The following PIK3R3 variants were observed in gnomAD, a reference collection of about 807,000 sequenced individuals.
PIK3R3 encodes the protein phosphatidylinositol 3-kinase regulatory subunit gamma.
Under a neutral mutation model 62.9 loss-of-function variants are expected in PIK3R3, and 64 were observed. The observed-to-expected ratio is 1.02, with a 90% CI of 0.83 to 1.25. PIK3R3 has a LOEUF of 1.25. Among genes scored for constraint, PIK3R3 ranks in the 50% most tolerant of loss-of-function variants. The pLI is 0.00. For missense variants in PIK3R3, 614 were observed against 561.6 expected (o/e 1.09, Z -0.94); for synonymous variants, 165 against 189.0 (o/e 0.87, Z 1.04).
intron 1 of PIK3R3, among the ~76,000 whole-genome samples, chr1:46,108,212 T>C (rs2149450471): frequency 6.6e-6 from 1 of 152,336 alleles, no homozygotes; most frequent in East Asian, 1.9e-4. Flanking sequence ...TAAACATAAA[T>C]GTTAATAGCA....
At chr1:46,146,686 T>TACACAC in the PIK3R3 span, among the ~76,000 whole-genome samples, 536 of 92,784 alleles carry the variant, frequency 5.8e-3, 11 homozygotes, top group East Asian at 6.9e-3. Context: ...CCTCCAACTC[T>TACACAC]ACACACACAC....
chr1:46,077,743 G>C (rs189557179), intron 2 of PIK3R3, 130 bp from the exon 3 acceptor site: 1 of 611,586 alleles, frequency 1.6e-6, no homozygotes, highest in African/African-American at 1.8e-5. Flanking sequence ...ATAGAATAAC[G>C]GAGCCATTTA....
At chr1:46,146,466 TACTC>T in the PIK3R3 span, among the ~76,000 whole-genome samples, 1 of 152,154 alleles carries the variant, frequency 6.6e-6, no homozygotes, top group African/African-American at 2.4e-5. Flanking sequence ...TCTGGCAACA[TACTC>T]AATATCATAT....
intron 1 of PIK3R3, among the ~76,000 whole-genome samples, chr1:46,117,688 A>T (rs1458851924): frequency 3.9e-5 from 6 of 152,198 alleles, no homozygotes; most frequent in African/African-American, 1.4e-4. Context: ...TTAAGGCTGT[A>T]GTGAACCAAG....
At chr1:46,081,125 G>A (rs905917328) in intron 1 of PIK3R3, among the ~76,000 whole-genome samples, 2 of 152,038 alleles carry the variant, frequency 1.3e-5, no homozygotes, top group African/African-American at 2.4e-5. Context: ...TCTGCCAAGT[G>A]AGTAAATTTT....
At chr1:46,173,135 G>A in the PIK3R3 span, among the ~76,000 whole-genome samples, 3 of 152,220 alleles carry the variant, frequency 2.0e-5, no homozygotes, top group Admixed American at 2.0e-4. Context: ...CTGCTCTGTG[G>A]AATTCTGGAG....
chr1:46,077,502 GA>G lies in PIK3R3; in HGVS notation c.314+12del. On this transcript the variant is annotated intron_variant, in intron 3 of 9. Coordinates refer to ENST00000262741, the MANE Select transcript of PIK3R3 (RefSeq NM_003629.4). The stretch of plus-strand genomic sequence containing the variant: ...TCAGTAGAGAACTAGCCAAAAGACT[GA>G]AAAGTACTTACCGCAAAGTCAAAGT... 6.7e-7 allele frequency: 1 copy of G among 1,502,788 alleles called. No homozygotes were observed. Among genetic ancestry groups the G allele is most frequent in the Non-Finnish European group, 9.3e-7 (1 of 1,078,874 alleles). 93.1% of individuals were successfully genotyped at this position (1,502,788 alleles called of 1,614,324 possible).
At chr1:46,112,557 A>G (rs180742084) in intron 1 of PIK3R3, among the ~76,000 whole-genome samples, 33 of 152,328 alleles carry the variant, frequency 2.2e-4, no homozygotes, top group African/African-American at 7.5e-4. Flanking sequence ...ATGAATCTTA[A>G]GAGTTAATTT....
At chr1:46,111,587 G>T (rs751889793) in intron 1 of PIK3R3, among the ~76,000 whole-genome samples, 3 of 152,076 alleles carry the variant, frequency 2.0e-5, no homozygotes, top group East Asian at 3.9e-4. Flanking sequence ...TTAGCCGCGT[G>T]TAGCTGTGTG....
In PIK3R3 at chr1:46,046,598, C is replaced by G. The variant is rs757031838; in HGVS notation, c.969G>C (p.Gln323His). ...TTCCCAGCCAGACATTCAGGCGTTT[C>G]TGTCTCACTCCTTTGTGATTGAGCC... The part of the protein sequence containing the change: ...LVWLNHKGVR[Q>H]KRLNVWLGIK... The change falls in exon 8 of 10, where the codon CAG (glutamine) becomes CAC (histidine). Residue 323 changes from glutamine (Q) to histidine (H), a missense_variant. Gln to His is a conservative substitution (Grantham distance 24). Transcript: ENST00000262741. 7 of 1,613,718 alleles carry G rather than the reference C, an allele frequency of 4.3e-6. No individual in the cohort carries two copies. The highest frequency in any genetic ancestry group is 5.9e-6 in the Non-Finnish European group (7 of 1,179,596).
the PIK3R3 span, among the ~76,000 whole-genome samples, chr1:46,148,173 G>A: frequency 9.2e-5 from 14 of 152,290 alleles, no homozygotes; most frequent in African/African-American, 2.9e-4. Flanking sequence ...CAAATTTACT[G>A]AAGCTGTAAA....
At chr1:46,107,145 C>T (rs111970066) in intron 1 of PIK3R3, among the ~76,000 whole-genome samples, 31,065 of 152,032 alleles carry the variant, frequency 0.2, 3,645 homozygotes, top group Non-Finnish European at 0.26. Context: ...CACTTGAGGT[C>T]AGGAATTCCA....
chr1:46,171,319 C>T, the PIK3R3 span, among the ~76,000 whole-genome samples: 8 of 152,192 alleles, frequency 5.3e-5, no homozygotes, highest in African/African-American at 1.9e-4. Flanking sequence ...AGTCCTTCCA[C>T]CCAGCTTCCT....
chr1:46,095,521 A>G (rs991172987), intron 1 of PIK3R3, among the ~76,000 whole-genome samples: 9 of 152,124 alleles, frequency 5.9e-5, no homozygotes, highest in Non-Finnish European at 8.8e-5. Context: ...TGGTAGGGGG[A>G]GAGAGAGCAT....
intron 7 of PIK3R3, among the ~76,000 whole-genome samples, chr1:46,054,892 A>C (rs1647725924): frequency 6.6e-6 from 1 of 152,132 alleles, no homozygotes; most frequent in Admixed American, 6.6e-5. Context: ...TGTTATTTAA[A>C]TAAAGAATGT....
the PIK3R3 span, among the ~76,000 whole-genome samples, chr1:46,165,945 T>A: frequency 1.3e-5 from 2 of 151,436 alleles, no homozygotes; most frequent in African/African-American, 4.9e-5. Context: ...TAATTTTTTG[T>A]ATTTTTTTTA....
chr1:46,143,208 G>A, the PIK3R3 span, among the ~76,000 whole-genome samples: 1 of 152,162 alleles, frequency 6.6e-6, no homozygotes, highest in African/African-American at 2.4e-5. Context: ...ACCTCACTGG[G>A]TAGATCAGCT....
At chr1:46,093,770 G>A (rs1241917058) in intron 1 of PIK3R3, among the ~76,000 whole-genome samples, 1 of 150,496 alleles carries the variant, frequency 6.6e-6, no homozygotes, top group Non-Finnish European at 1.5e-5. Context: ...CAGGAGAATC[G>A]CTTGAACCCA....
At chr1:46,061,338 A>G (rs1054629167) in intron 6 of PIK3R3, among the ~76,000 whole-genome samples, 1 of 152,156 alleles carries the variant, frequency 6.6e-6, no homozygotes, top group African/African-American at 2.4e-5. Context: ...CTATTTCTCT[A>G]GTCCAGGCCC....
Sources: gnomAD v4.1 joint callset for allele counts (sites outside exome capture counted in the v4.1 genomes callset) on GRCh38, gnomAD v4.1.1 for gene constraint, MANE v1.5 for transcripts, NCBI Gene and HGNC (gene_info 2026-07-23, HGNC 2026-07-21) for gene names.